The following ZNF385D variants were observed in gnomAD, a reference collection of about 807,000 sequenced individuals.
ZNF385D encodes zinc finger protein 385D.
In ZNF385D, 15 loss-of-function variants were observed where a neutral mutation model predicts 35.8. The observed-to-expected ratio is 0.42, with a 90% CI of 0.28 to 0.64. The LOEUF (loss-of-function observed/expected upper bound fraction) is 0.64. ZNF385D is among the 30% of genes least tolerant of loss of function. The probability of loss-of-function intolerance (pLI) is 0.23; values close to 1 mark genes in which losing one functional copy is unlikely to be tolerated. For synonymous variants in ZNF385D, 212 were observed against 186.8 expected, an observed-to-expected ratio of 1.13 and a Z score of -1.10; for missense variants, 474 against 494.6, an observed-to-expected ratio of 0.96 and a Z score of 0.39.
chr3:22,342,849 C>G (rs1695486874), intron 2 of ZNF385D, among the ~76,000 whole-genome samples: 1 of 152,184 alleles, frequency 6.6e-6, no homozygotes, highest in African/African-American at 2.4e-5. Context: ...ACCTCAATCT[C>G]AAAAGCTTCC....
chr3:21,783,547 C>A (rs997238611), intron 3 of ZNF385D, among the ~76,000 whole-genome samples: 8 of 152,066 alleles, frequency 5.3e-5, no homozygotes, highest in Admixed American at 4.6e-4. Flanking sequence ...CACCCTCAAA[C>A]ACCTGGGACA....
intron 3 of ZNF385D, among the ~76,000 whole-genome samples, chr3:21,538,972 T>G (rs115478025): frequency 0.01 from 1,550 of 152,238 alleles, 29 homozygotes; most frequent in African/African-American, 0.035. Flanking sequence ...CTGTTTCATG[T>G]ATAAAAAACC....
intron 2 of ZNF385D, among the ~76,000 whole-genome samples, chr3:22,319,814 A>T (rs944364436): frequency 6.6e-6 from 1 of 152,210 alleles, no homozygotes; most frequent in African/African-American, 2.4e-5. Flanking sequence ...TTTGGGCTGA[A>T]AGGGGTTGAC....
chr3:21,838,064 C>T (rs1046089768), intron 3 of ZNF385D, among the ~76,000 whole-genome samples: 1 of 152,022 alleles, frequency 6.6e-6, no homozygotes, highest in Non-Finnish European at 1.5e-5. Context: ...ATCTTCATAA[C>T]TGCACATTAA....
chr3:21,607,023 A>C (rs374738984), intron 2 of ZNF385D, among the ~76,000 whole-genome samples: 4 of 152,230 alleles, frequency 2.6e-5, no homozygotes, highest in Admixed American at 2.6e-4. Flanking sequence ...GCAGTCTCCT[A>C]ATAACAATTC....
chr3:21,949,717 A>G (rs1169746961), intron 3 of ZNF385D, among the ~76,000 whole-genome samples: 2 of 151,654 alleles, frequency 1.3e-5, no homozygotes, highest in Non-Finnish European at 2.9e-5. Flanking sequence ...GTCCCTCACC[A>G]GCCAACAGGC....
intron 2 of ZNF385D, among the ~76,000 whole-genome samples, chr3:21,633,312 T>C (rs1435022709): frequency 6.6e-6 from 1 of 152,054 alleles, no homozygotes; most frequent in Non-Finnish European, 1.5e-5. Flanking sequence ...AATTATTGTG[T>C]ATGTCAAAAT....
intron 3 of ZNF385D, among the ~76,000 whole-genome samples, chr3:21,959,124 A>G (rs1012854541): frequency 2.6e-5 from 4 of 152,206 alleles, no homozygotes; most frequent in African/African-American, 7.2e-5. Context: ...CATTGCACTT[A>G]AAGTATCACA....
intron 3 of ZNF385D, among the ~76,000 whole-genome samples, chr3:21,827,599 T>G (rs1694724152): frequency 6.6e-6 from 1 of 152,208 alleles, no homozygotes; most frequent in Admixed American, 6.5e-5. Context: ...AGTTCATGTT[T>G]CATCCTGATT....
At chr3:22,322,231 C>T (rs894300590) in intron 2 of ZNF385D, among the ~76,000 whole-genome samples, 9 of 152,108 alleles carry the variant, frequency 5.9e-5, no homozygotes, top group Admixed American at 3.9e-4. Context: ...ACATGTAGTA[C>T]CTGTTGTTTG....
At chr3:21,452,640 T>G (rs2125284162) in intron 4 of ZNF385D, among the ~76,000 whole-genome samples, 2 of 152,042 alleles carry the variant, frequency 1.3e-5, no homozygotes, top group Middle Eastern at 6.8e-3. Flanking sequence ...ATCTTAGGAA[T>G]AAATTTAACC....
rs975902004 is a variant in ZNF385D at position 22,168,839 on chromosome 3, A to T, written c.303T>A (p.Asn101Lys). ...TACCATTGTCATTTTTCAGCGTCCC[A>T]TTGCTGAGTTGTTTTAATCTCTTTT... is the stretch of plus-strand genomic sequence containing the variant. Residue 101 changes from asparagine (N) to lysine (K), a missense_variant, in exon 3 of 6, where the codon AAT (asparagine) becomes AAA (lysine). Physicochemically the swap from Asn to Lys is moderately conservative, Grantham distance 94 (BLOSUM62 0). Transcript: ENST00000494108. The T allele has an allele frequency of 6.1e-6, 6 of 985,732 alleles. No individual in the cohort carries two copies. In the East Asian group the frequency reaches 5.7e-4, roughly 93 times the overall value. The allele number at this position is 985,732 out of a possible 1,614,324, so 61.1% of individuals were successfully genotyped here. A position where few individuals can be genotyped will look rare whatever the true frequency, so the allele number is the denominator to read the frequency against.
intron 3 of ZNF385D, among the ~76,000 whole-genome samples, chr3:21,820,702 G>T: frequency 6.6e-6 from 1 of 151,386 alleles, no homozygotes; most frequent in East Asian, 1.9e-4. Context: ...TAGAGGGACT[G>T]TATAAATAAG....
chr3:22,263,281 T>C (rs1700728333), intron 2 of ZNF385D, among the ~76,000 whole-genome samples: 1 of 152,056 alleles, frequency 6.6e-6, no homozygotes, highest in African/African-American at 2.4e-5. Context: ...GCTGCCCATC[T>C]TGCTGTTTCT....
intron 3 of ZNF385D, among the ~76,000 whole-genome samples, chr3:21,537,357 T>C (rs958440603): frequency 6.6e-6 from 1 of 151,756 alleles, no homozygotes; most frequent in African/African-American, 2.4e-5. Flanking sequence ...GGTCTTGAAC[T>C]CTTGACCTCA....
intron 2 of ZNF385D, among the ~76,000 whole-genome samples, chr3:22,181,493 G>T (rs566149056): frequency 5.9e-5 from 9 of 151,976 alleles, no homozygotes; most frequent in African/African-American, 2.2e-4. Flanking sequence ...TCAGGAGATC[G>T]AGACCATGCT....
At chr3:21,626,726 G>A (rs2065144713) in intron 2 of ZNF385D, among the ~76,000 whole-genome samples, 2 of 152,088 alleles carry the variant, frequency 1.3e-5, no homozygotes, top group African/African-American at 4.8e-5. Context: ...GATGGAACCT[G>A]AGAAGTGAGT....
chr3:21,619,733 G>A (rs1303427335), intron 2 of ZNF385D, among the ~76,000 whole-genome samples: 3 of 152,020 alleles, frequency 2.0e-5, no homozygotes, highest in Admixed American at 6.6e-5. Context: ...ACTAATGGTG[G>A]GGAAGACCCC....
intron 2 of ZNF385D, among the ~76,000 whole-genome samples, chr3:22,226,001 T>A (rs7647595): frequency 6.6e-6 from 1 of 151,930 alleles, no homozygotes; most frequent in African/African-American, 2.4e-5. Context: ...CCCATTCCCA[T>A]TGAATTGAAA....
Sources: gnomAD v4.1 joint callset for allele counts (sites outside exome capture counted in the v4.1 genomes callset) on GRCh38, gnomAD v4.1.1 for gene constraint, MANE v1.5 for transcripts, NCBI Gene and HGNC (gene_info 2026-07-23, HGNC 2026-07-21) for gene names.